The following CRADD variants were observed in gnomAD, a reference collection of about 807,000 sequenced individuals.
CRADD encodes CARD and death domain containing adaptor protein.
Under a neutral mutation model 15.5 loss-of-function variants are expected in CRADD, and 9 were observed. The ratio of observed to expected loss-of-function variants is 0.58; its 90% CI spans 0.35 to 1.01. The LOEUF (loss-of-function observed/expected upper bound fraction) is 1.01. Ranked by LOEUF, CRADD falls within the 50% of genes least tolerant of loss-of-function variation. CRADD has a pLI of 0.02. For missense variants in CRADD, 227 were observed against 250.3 expected (o/e 0.91, Z 0.63); for synonymous variants, 118 against 107.6 (o/e 1.10, Z -0.60).
chr12:93,765,688 GAGCACGATA>G (rs1957019653), intron 2 of CRADD, among the ~76,000 whole-genome samples: 1 of 152,094 alleles, frequency 6.6e-6, no homozygotes, highest in Non-Finnish European at 1.5e-5. Context: ...ATGCTAGACT[GAGCACGATA>G]GGCTATTTCT....
intron 2 of CRADD, among the ~76,000 whole-genome samples, chr12:93,830,348 T>G (rs747412308): frequency 3.6e-4 from 55 of 152,210 alleles, no homozygotes; most frequent in Admixed American, 2.6e-4. Context: ...TGGTCAAACC[T>G]TGCTACCTGT....
At chr12:93,816,088 TA>T (rs1250518264) in intron 2 of CRADD, 2 of 152,230 alleles carry the variant, frequency 1.3e-5, no homozygotes, top group Non-Finnish European at 2.9e-5. Flanking sequence ...TTTTAAAAAG[TA>T]AAAAGAATAT....
chr12:93,814,925 TG>T (rs1280377791), intron 2 of CRADD, among the ~76,000 whole-genome samples: 1 of 152,254 alleles, frequency 6.6e-6, no homozygotes, highest in Non-Finnish European at 1.5e-5. Context: ...CCCCACATTT[TG>T]CTCAAATTAT....
intron 2 of CRADD, chr12:93,838,004 A>C (rs1957994586): frequency 6.6e-6 from 1 of 152,194 alleles, no homozygotes; most frequent in East Asian, 1.9e-4. Flanking sequence ...TCGATAGTCA[A>C]ATCAAGTCTT....
chr12:93,844,306 C>T (rs1309946749), intron 2 of CRADD, among the ~76,000 whole-genome samples: 1 of 152,138 alleles, frequency 6.6e-6, no homozygotes, highest in Admixed American at 6.5e-5. Flanking sequence ...ATCCTTGGGA[C>T]TCTCATTTTT....
chr12:93,765,603 G>A (rs1957018827), intron 2 of CRADD, among the ~76,000 whole-genome samples: 1 of 152,134 alleles, frequency 6.6e-6, no homozygotes, highest in Non-Finnish European at 1.5e-5. Context: ...GCTCCTGGGT[G>A]CGCCCTCCTA....
chr12:93,688,272 G>A (rs1359197001), intron 2 of CRADD, among the ~76,000 whole-genome samples: 1 of 152,208 alleles, frequency 6.6e-6, no homozygotes, highest in East Asian at 1.9e-4. Flanking sequence ...GGAGACCAAG[G>A]TGGGAGGATC....
chr12:93,838,886 C>T (rs1958014980), intron 2 of CRADD, among the ~76,000 whole-genome samples: 2 of 151,914 alleles, frequency 1.3e-5, no homozygotes, highest in Non-Finnish European at 2.9e-5. Flanking sequence ...AGCCTCCCCA[C>T]CGAGCACCTG....
chr12:93,745,418 TC>T (rs1256238968), intron 2 of CRADD, among the ~76,000 whole-genome samples: 1 of 152,218 alleles, frequency 6.6e-6, no homozygotes, highest in Non-Finnish European at 1.5e-5. Context: ...CTTCCCCACT[TC>T]CTTTTAGTAA....
At chr12:93,780,248 A>G (rs141530549) in intron 2 of CRADD, among the ~76,000 whole-genome samples, 63 of 152,392 alleles carry the variant, frequency 4.1e-4, no homozygotes, top group Admixed American at 3.2e-3. Flanking sequence ...TGTAACATAA[A>G]CATAGTTAAG....
At chr12:93,700,575 C>T (rs561054114) in intron 2 of CRADD, among the ~76,000 whole-genome samples, 51 of 152,162 alleles carry the variant, frequency 3.4e-4, no homozygotes, top group South Asian at 1.7e-3. Flanking sequence ...GAACGACAGG[C>T]GCCCACCACC....
Position 93,713,451 on chromosome 12 carries a change from T to TA in CRADD, c.298+34380dup, listed in dbSNP as rs552029421. On this transcript the variant is annotated intron_variant, in intron 2 of 2. Transcript: ENST00000332896. ...TATTGGTTCCAGGACCCCCTGCACATACCAAAATCCACAGATGCTCAAGTT... is the reference window on the plus strand; with the variant it reads ...TATTGGTTCCAGGACCCCCTGCACATAACCAAAATCCACAGATGCTCAAGTT... Among the ~76,000 whole-genome samples the TA allele has an allele frequency of 6.1e-3, 936 of 152,280 alleles. 7 individuals are homozygous for TA. The highest frequency in any genetic ancestry group is 8.9e-3 in the Non-Finnish European group (606 of 68,024).
intron 2 of CRADD, among the ~76,000 whole-genome samples, chr12:93,818,813 C>T (rs1035253053): frequency 6.6e-6 from 1 of 152,166 alleles, no homozygotes; most frequent in Non-Finnish European, 1.5e-5. Context: ...GAGAAATCCT[C>T]CCAAAGAGAC....
intron 2 of CRADD, among the ~76,000 whole-genome samples, chr12:93,745,967 C>T (rs1395669704): frequency 6.6e-6 from 1 of 152,084 alleles, no homozygotes. Context: ...ATTACCACCA[C>T]CACCTAAAAT....
intron 2 of CRADD, among the ~76,000 whole-genome samples, chr12:93,699,181 G>A (rs958046086): frequency 3.9e-5 from 6 of 152,298 alleles, no homozygotes; most frequent in Middle Eastern, 6.8e-3. Flanking sequence ...TGTTTTGAGA[G>A]TCAAAACTGG....
intron 2 of CRADD, among the ~76,000 whole-genome samples, chr12:93,723,271 T>G (rs186869468): frequency 8.4e-4 from 128 of 152,348 alleles, no homozygotes; most frequent in African/African-American, 3.0e-3. Context: ...TCAGGAGTCA[T>G]GTAGCCAGAG....
chr12:93,827,232 C>A (rs1342032557), intron 2 of CRADD, among the ~76,000 whole-genome samples: 1 of 152,184 alleles, frequency 6.6e-6, no homozygotes, highest in Non-Finnish European at 1.5e-5. Context: ...CTTCCCATCA[C>A]CCCCATCTCC....
At position 93,850,049 on chromosome 12, in the gene CRADD, G is replaced by A. The variant is rs751620496; in HGVS notation, c.378G>A (p.Arg126=). 9 of 1,606,436 alleles carry A rather than the reference G, an allele frequency of 5.6e-6. No individual in the cohort carries two copies. The highest frequency in any genetic ancestry group is 6.8e-6 in the Non-Finnish European group (8 of 1,173,042). The change falls in exon 3 of 3, where the codon AGG becomes AGA. Residue 126 remains arginine, a synonymous_variant. Transcript: ENST00000332896. This position sits in a 1 kb window ranked among gnomAD's most constrained non-coding sequence, Gnocchi z 4.0. Reference sequence around the variant, plus strand: ...GGCAGATTAACCAGCTGGCCCAGAGGCTGGGCCCTGAGTGGGAGCCCATGG... The same window carrying A: ...GGCAGATTAACCAGCTGGCCCAGAGACTGGGCCCTGAGTGGGAGCCCATGG... ...SDRQINQLAQ[R]LGPEWEPMVL... is the part of the protein sequence containing the mutation.
rs372287176 is a variant in CRADD, at chr12:93,754,335, C to T, written c.298+75263C>T. On this transcript the variant is annotated intron_variant, in intron 2 of 2. Transcript: ENST00000332896. Reference sequence around the variant, plus strand: ...CTACCTCAAAGATGCCTGACATGCCCTGGAGACATTTTCCCCATTGTCTTG... The same window carrying T: ...CTACCTCAAAGATGCCTGACATGCCTTGGAGACATTTTCCCCATTGTCTTG... 3.3e-5 allele frequency among the ~76,000 whole-genome samples: 5 copies of T among 152,362 alleles called. No individual in the cohort carries two copies. In the East Asian group the frequency reaches 9.6e-4, roughly 29 times the overall value.
Sources: gnomAD v4.1 joint callset for allele counts (sites outside exome capture counted in the v4.1 genomes callset) on GRCh38, gnomAD v4.1.1 for gene constraint, Gnocchi (gnomAD v3.1) non-coding constraint, MANE v1.5 for transcripts, NCBI Gene and HGNC (gene_info 2026-07-23, HGNC 2026-07-21) for gene names.